The following CFAP221 variants were observed in gnomAD, a reference collection of about 807,000 sequenced individuals.
CFAP221 encodes cilia- and flagella-associated protein 221.
CFAP221 carries 97 observed loss-of-function variants against 113.1 expected under a neutral mutation model. The ratio of observed to expected loss-of-function variants is 0.86; its 90% CI spans 0.73 to 1.02. The LOEUF is 1.02. CFAP221 is among the 50% of genes least tolerant of loss of function. The pLI is 0.00. For synonymous variants in CFAP221, 331 were observed against 354.4 expected, an observed-to-expected ratio of 0.93 and a Z score of 0.74; for missense variants, 1,025 against 1,013.4, an observed-to-expected ratio of 1.01 and a Z score of -0.16.
chr2:119,551,261 T>C (rs946670062), intron 3 of CFAP221, among the ~76,000 whole-genome samples: 2 of 152,202 alleles, frequency 1.3e-5, no homozygotes, highest in African/African-American at 2.4e-5. Context: ...CTTGGAGATA[T>C]ACATAGGAGG....
intron 15 of CFAP221, 105 bp from the exon 16 acceptor site, chr2:119,627,548 C>T (rs1686401164): frequency 5.1e-6 from 5 of 971,294 alleles, no homozygotes; most frequent in Admixed American, 2.3e-5. Context: ...TATATATACA[C>T]ACCCACCCAC....
chr2:119,621,801 G>A (rs568745535), intron 14 of CFAP221, among the ~76,000 whole-genome samples: 32 of 152,250 alleles, frequency 2.1e-4, no homozygotes, highest in Non-Finnish European at 3.7e-4. Context: ...GGTAAATAAC[G>A]AAATGAAGAC....
chr2:119,647,440 G>A (rs546642084), intron 22 of CFAP221, among the ~76,000 whole-genome samples: 3 of 152,240 alleles, frequency 2.0e-5, no homozygotes, highest in South Asian at 4.2e-4. Flanking sequence ...TGATCAGCAC[G>A]CAACAGCCAG....
At chr2:119,608,480 A>G (rs1173016440) in intron 11 of CFAP221, 22 bp from the exon 12 acceptor site, 1 of 831,748 alleles carries the variant, frequency 1.2e-6, no homozygotes. Flanking sequence ...TTCTGGACAC[A>G]GTTTTTTTTT....
chr2:119,632,697 T>C (rs1437871631), intron 19 of CFAP221, among the ~76,000 whole-genome samples: 1 of 81,068 alleles, frequency 1.2e-5, no homozygotes, highest in Non-Finnish European at 2.4e-5. Flanking sequence ...GCTGTCTTTA[T>C]TTACAAAAAA....
chr2:119,605,174 C>T lies in CFAP221; in HGVS notation c.1025-7C>T. The T allele has an allele frequency of 4.4e-6, 7 of 1,607,438 alleles. No homozygotes were observed. The highest frequency in any genetic ancestry group is 6.0e-6 in the Non-Finnish European group (7 of 1,174,052). ...CTGGTATAAACATTGTCTGCTCCTG[C>T]CTTCAGTTTTGGACCAGGGCACTGA... is the stretch of plus-strand genomic sequence containing the variant. On this transcript the variant is annotated splice_region_variant and splice_polypyrimidine_tract_variant and intron_variant, in intron 10 of 23. Transcript: ENST00000413369.
In CFAP221 at chr2:119,636,274, C is replaced by G. The variant is rs527849831; in HGVS notation, c.1975-1985C>G. 1.2e-3 allele frequency among the ~76,000 whole-genome samples: 182 copies of G among 152,256 alleles called. 2 individuals are homozygous for G. Among genetic ancestry groups the G allele is most frequent in the Non-Finnish European group, 2.3e-3 (155 of 68,020 alleles). On this transcript the variant is annotated intron_variant, in intron 19 of 23. Coordinates refer to ENST00000413369, the MANE Select transcript of CFAP221 (RefSeq NM_001271049.2). ...CATGAGCAAAGCATGAAGGTCTTGG[C>G]TGTAGTTCCGGAAGGCAAATGTTAA...
At chr2:119,638,684 G>A (rs964928674) in intron 20 of CFAP221, among the ~76,000 whole-genome samples, 15 of 152,142 alleles carry the variant, frequency 9.9e-5, no homozygotes, top group Admixed American at 9.8e-4. Flanking sequence ...ATGTTCACGT[G>A]TTTGTATTTC....
chr2:119,578,312 G>A (rs987963654), intron 6 of CFAP221, among the ~76,000 whole-genome samples: 31 of 152,236 alleles, frequency 2.0e-4, no homozygotes, highest in African/African-American at 7.2e-4. Flanking sequence ...TGGAAAGAGT[G>A]TTGAAGAGTT....
intron 15 of CFAP221, among the ~76,000 whole-genome samples, chr2:119,626,765 C>G (rs957167973): frequency 6.6e-6 from 1 of 151,788 alleles, no homozygotes; most frequent in Non-Finnish European, 1.5e-5. Context: ...TAGTGAGACC[C>G]CTGGATAATT....
At chr2:119,606,169 A>AT (rs750381470) in intron 11 of CFAP221, among the ~76,000 whole-genome samples, 1,525 of 131,672 alleles carry the variant, frequency 0.012, 8 homozygotes, top group Non-Finnish European at 0.018. Flanking sequence ...ATGCCCAGCA[A>AT]ATTTTTTTTT....
At chr2:119,648,484 G>T in intron 22 of CFAP221, 1 of 317,432 alleles carries the variant, frequency 3.2e-6, no homozygotes, top group Non-Finnish European at 7.2e-6. Flanking sequence ...GACAGAGTCG[G>T]GGTATAGCAC....
At chr2:119,643,664 C>G (rs1025157561) in intron 21 of CFAP221, among the ~76,000 whole-genome samples, 7 of 152,162 alleles carry the variant, frequency 4.6e-5, no homozygotes, top group African/African-American at 1.7e-4. Flanking sequence ...CTGCCTCAGC[C>G]TCCTGAGTAG....
At chr2:119,653,573 G>A (rs1388807713) in intron 23 of CFAP221, among the ~76,000 whole-genome samples, 3 of 152,050 alleles carry the variant, frequency 2.0e-5, no homozygotes, top group Admixed American at 6.6e-5. Context: ...GCCAATGAAC[G>A]TGTAAACTCT....
intron 7 of CFAP221, among the ~76,000 whole-genome samples, chr2:119,593,457 C>A (rs961588899): frequency 6.6e-6 from 1 of 152,148 alleles, no homozygotes; most frequent in African/African-American, 2.4e-5. Context: ...AAGCTTCCAA[C>A]TATGGTAGAA....
chr2:119,587,324 C>A, intron 7 of CFAP221, 102 bp downstream of exon 7: 2 of 716,374 alleles, frequency 2.8e-6, no homozygotes, highest in Non-Finnish European at 4.2e-6. Context: ...ACATAACTGA[C>A]CTGATGTAAA....
intron 6 of CFAP221, among the ~76,000 whole-genome samples, chr2:119,562,681 T>C (rs1681343719): frequency 6.6e-6 from 1 of 152,218 alleles, no homozygotes; most frequent in African/African-American, 2.4e-5. Context: ...CTTTTTTTGG[T>C]GAATGATTCC....
chr2:119,597,846 T>C (rs890071687), intron 7 of CFAP221, among the ~76,000 whole-genome samples: 5 of 152,206 alleles, frequency 3.3e-5, no homozygotes, highest in African/African-American at 1.2e-4. Context: ...ACTCCTATGC[T>C]TTGGTTGCTT....
chr2:119,622,628 T>A (rs566995204), intron 14 of CFAP221, among the ~76,000 whole-genome samples: 8 of 152,182 alleles, frequency 5.3e-5, no homozygotes, highest in Admixed American at 2.0e-4. Context: ...AATAAAATAC[T>A]GGCAAACCAA....
Sources: gnomAD v4.1 joint callset for allele counts (sites outside exome capture counted in the v4.1 genomes callset) on GRCh38, gnomAD v4.1.1 for gene constraint, MANE v1.5 for transcripts, NCBI Gene and HGNC (gene_info 2026-07-23, HGNC 2026-07-21) for gene names.